Variants in ITGA1 observed in about 807,000 individuals in gnomAD.
ITGA1 encodes integrin alpha-1.
In ITGA1, 85 loss-of-function variants were observed where a neutral mutation model predicts 145.9. That is an observed-to-expected ratio of 0.58 (90% CI 0.49 to 0.70). The LOEUF is 0.70. ITGA1 is among the 30% of genes least tolerant of loss of function. ITGA1 has a pLI of 0.00. For synonymous variants in ITGA1, 520 were observed against 495.3 expected, an observed-to-expected ratio of 1.05 and a Z score of -0.66; for missense variants, 1,351 against 1,418.7, an observed-to-expected ratio of 0.95 and a Z score of 0.77.
At chr5:52,829,081 A>G (rs1483036011) in intron 1 of ITGA1, among the ~76,000 whole-genome samples, 1 of 152,164 alleles carries the variant, frequency 6.6e-6, no homozygotes, top group Admixed American at 6.6e-5. Flanking sequence ...TCTGTAAAGA[A>G]CCTATTTCCA....
At position 52,865,115 on chromosome 5, in the gene ITGA1, G is replaced by C. The variant is rs138369766; in HGVS notation, c.496+33G>C. 449 of 1,473,586 alleles carry C rather than the reference G, an allele frequency of 3.0e-4. 3 individuals carry two copies. In the East Asian group the frequency reaches 9.1e-3, roughly 30 times the overall value. 91.3% of individuals were successfully genotyped at this position (1,473,586 alleles called of 1,614,324 possible). ...TTTTATGCAATGTTCTTGCATGTTT[G>C]AAAAGCCTATGCAATGAATGAGACG... On this transcript the variant is annotated intron_variant, in intron 5 of 28. Coordinates refer to ENST00000282588, the MANE Select transcript of ITGA1 (RefSeq NM_181501.2).
chr5:52,905,932 A>C, intron 12 of ITGA1, 24 bp downstream of exon 12: 1 of 1,593,602 alleles, frequency 6.3e-7, no homozygotes, highest in Non-Finnish European at 8.6e-7. Context: ...ATATTCTTTT[A>C]TTTAAATTAA....
At chr5:52,881,606 G>A (rs1429676790) in intron 6 of ITGA1, among the ~76,000 whole-genome samples, 1 of 152,168 alleles carries the variant, frequency 6.6e-6, no homozygotes, top group Non-Finnish European at 1.5e-5. Flanking sequence ...ACCCACCAAG[G>A]CCTACCAGAG....
chr5:52,840,485 T>C (rs1749237119), intron 1 of ITGA1, among the ~76,000 whole-genome samples: 1 of 152,120 alleles, frequency 6.6e-6, no homozygotes, highest in African/African-American at 2.4e-5. Flanking sequence ...TCTGCAGCTT[T>C]TTTATTTGGT....
chr5:52,852,141 C>T (rs901453553), intron 2 of ITGA1, among the ~76,000 whole-genome samples: 3 of 152,030 alleles, frequency 2.0e-5, no homozygotes, highest in Non-Finnish European at 4.4e-5. Flanking sequence ...AGGGCCCAGA[C>T]TTGAGAATAA....
intron 11 of ITGA1, chr5:52,904,683 T>A (rs1750369401): frequency 6.6e-6 from 1 of 152,006 alleles, no homozygotes; most frequent in Non-Finnish European, 1.5e-5. Context: ...TGAAACCCCG[T>A]CTTACTAAAA....
intron 1 of ITGA1, chr5:52,800,763 G>A (rs750307879): frequency 6.2e-7 from 1 of 1,614,226 alleles, no homozygotes; most frequent in Non-Finnish European, 8.5e-7. Context: ...TGGTACTGGA[G>A]CGCATCGAGC....
chr5:52,939,204 T>C (rs1033397012), intron 24 of ITGA1, among the ~76,000 whole-genome samples: 1 of 152,064 alleles, frequency 6.6e-6, no homozygotes, highest in Non-Finnish European at 1.5e-5. Context: ...TGGCTGGCCG[T>C]TGTTTTTGTT....
At chr5:52,844,601 A>C (rs1170012617) in intron 1 of ITGA1, among the ~76,000 whole-genome samples, 2 of 152,204 alleles carry the variant, frequency 1.3e-5, no homozygotes, top group East Asian at 3.8e-4. Context: ...TGGCAAATTA[A>C]ATGAGAGTAA....
At chr5:52,852,483 G>T (rs1197484147) in intron 2 of ITGA1, among the ~76,000 whole-genome samples, 1 of 152,140 alleles carries the variant, frequency 6.6e-6, no homozygotes, top group African/African-American at 2.4e-5. Context: ...GTAAATCTTG[G>T]TGGAAGTTTG....
At chr5:52,791,607 A>T (rs1323878656) in intron 1 of ITGA1, among the ~76,000 whole-genome samples, 8 of 152,228 alleles carry the variant, frequency 5.3e-5, no homozygotes, top group African/African-American at 1.9e-4. Context: ...TAGCTAGCAC[A>T]ACTTAACCCC....
intron 23 of ITGA1, among the ~76,000 whole-genome samples, chr5:52,934,834 G>T (rs539276783): frequency 2.0e-5 from 3 of 151,774 alleles, no homozygotes; most frequent in Non-Finnish European, 4.4e-5. Context: ...ATAAATAAAC[G>T]TATACTCCCA....
chr5:52,828,327 G>A (rs1005444961), intron 1 of ITGA1, among the ~76,000 whole-genome samples: 4 of 151,952 alleles, frequency 2.6e-5, no homozygotes, highest in Non-Finnish European at 5.9e-5. Flanking sequence ...TTCTGTTTTT[G>A]TGTTTTTTTT....
rs145115345 is a variant in ITGA1 at position 52,877,033 on chromosome 5, G to A, written c.625-4840G>A. Among the ~76,000 whole-genome samples, 563 of 152,168 alleles carry A rather than the reference G, an allele frequency of 3.7e-3. 3 individuals are homozygous for A. The highest frequency in any genetic ancestry group is 0.013 in the African/African-American group (540 of 41,518). ...AGCATTGGAATATTAAGGGACTGAA[G>A]GTCAAGAGGAGAAAACTGGATTTTA... On this transcript the variant is annotated intron_variant, in intron 6 of 28. Coordinates refer to ENST00000282588, the MANE Select transcript of ITGA1 (RefSeq NM_181501.2).
intron 28 of ITGA1, among the ~76,000 whole-genome samples, chr5:52,952,026 C>T (rs1751228251): frequency 6.6e-6 from 1 of 151,934 alleles, no homozygotes; most frequent in African/African-American, 2.4e-5. Flanking sequence ...CCCGTCTCTA[C>T]TGAAAATACA....
chr5:52,863,613 T>C (rs571519005), intron 3 of ITGA1, among the ~76,000 whole-genome samples: 40 of 152,328 alleles, frequency 2.6e-4, no homozygotes, highest in Non-Finnish European at 4.7e-4. Flanking sequence ...GATTGTTTCA[T>C]GTATTTTTTT....
intron 12 of ITGA1, among the ~76,000 whole-genome samples, chr5:52,906,539 C>T (rs766007910): frequency 6.6e-6 from 1 of 152,056 alleles, no homozygotes; most frequent in Non-Finnish European, 1.5e-5. Context: ...AAAGAAACAT[C>T]GTAAATATGC....
chr5:52,950,473 C>A (rs1041068621), intron 28 of ITGA1, among the ~76,000 whole-genome samples: 7 of 152,106 alleles, frequency 4.6e-5, no homozygotes. Context: ...CTCATTAGAG[C>A]CTTTGCCATA....
intron 11 of ITGA1, 44 bp from the exon 12 acceptor site, chr5:52,905,719 C>T (rs2111841754): frequency 6.4e-7 from 1 of 1,554,324 alleles, no homozygotes; most frequent in Non-Finnish European, 8.8e-7. Context: ...TACATGAAGC[C>T]TTTAAGGGTC....
Sources: allele counts gnomAD v4.1 joint callset (sites outside exome capture counted in the v4.1 genomes callset), GRCh38; gene constraint gnomAD v4.1.1; transcripts MANE v1.5; gene names NCBI Gene and HGNC (gene_info 2026-07-23, HGNC 2026-07-21).